Variants in CTDSPL2 observed in about 807,000 individuals in gnomAD.
CTDSPL2 encodes CTD small phosphatase like 2, also known as CTD small phosphatase-like protein 2.
In CTDSPL2, 5 loss-of-function variants were observed where a neutral mutation model predicts 60.0. That is an observed-to-expected ratio of 0.08 (90% CI 0.04 to 0.18). The LOEUF (loss-of-function observed/expected upper bound fraction) is 0.18, where lower values mean the gene tolerates loss of function less well. Ranked by LOEUF, CTDSPL2 falls within the 10% of genes least tolerant of loss-of-function variation. The pLI is 1.00. For synonymous variants in CTDSPL2, 186 were observed against 189.3 expected (o/e 0.98, Z 0.14); for missense variants, 370 against 548.8 (o/e 0.67, Z 3.26).
chr15:44,431,719 T>TG lies in CTDSPL2; in HGVS notation c.-25+3947_-25+3948insG, dbSNP rs1555428974. On this transcript the variant is annotated intron_variant, in intron 1 of 12. Transcript: ENST00000260327. Reference sequence around the variant, plus strand: ...TTGTTTGTTTGTTTGTTTGTTTGTTTTTTTTTTTTTTTTTTTGAGACAGAG... The same window carrying TG: ...TTGTTTGTTTGTTTGTTTGTTTGTTTGTTTTTTTTTTTTTTTTGAGACAGAG... 6.1e-3 allele frequency among the ~76,000 whole-genome samples: 834 copies of TG among 135,816 alleles called. 3 individuals are homozygous for TG. Among genetic ancestry groups the TG allele is most frequent in the East Asian group, 0.016 (78 of 4,902 alleles). The allele number at this position is 135,816 out of a possible 152,430, so 89.1% of individuals were successfully genotyped here. A position where few individuals can be genotyped will look rare whatever the true frequency, so the allele number is the denominator to read the frequency against.
intron 6 of CTDSPL2, among the ~76,000 whole-genome samples, 180 bp from the exon 7 acceptor site, chr15:44,496,847 A>C (rs2081309539): frequency 6.6e-6 from 1 of 152,124 alleles, no homozygotes; most frequent in African/African-American, 2.4e-5. Context: ...AAACAAACAA[A>C]AACAGCTGTT....
At chr15:44,507,244 C>T (rs974241243) in intron 8 of CTDSPL2, among the ~76,000 whole-genome samples, 11 of 151,816 alleles carry the variant, frequency 7.2e-5, no homozygotes, top group Non-Finnish European at 1.3e-4. Flanking sequence ...GCCACCATGC[C>T]GAGCTAATTT....
At chr15:44,486,253 T>A (rs997912606) in intron 3 of CTDSPL2, among the ~76,000 whole-genome samples, 2 of 152,210 alleles carry the variant, frequency 1.3e-5, no homozygotes, top group African/African-American at 4.8e-5. Flanking sequence ...ACAAAGAATT[T>A]TCTTCATTTT....
rs1595718153 is a variant in CTDSPL2 at position 44,459,341 on chromosome 15, C to T, written c.186+141C>T. Reference sequence around the variant, plus strand: ...AGGAGATCGAGACCATCCTGGCTAACACGGTGAAACCCCGTCTCTACTAAA... The same window carrying T: ...AGGAGATCGAGACCATCCTGGCTAATACGGTGAAACCCCGTCTCTACTAAA... On this transcript the variant is annotated intron_variant, in intron 2 of 12. Transcript: ENST00000260327. 4 of 491,070 alleles carry T rather than the reference C, an allele frequency of 8.1e-6. No individual in the cohort carries two copies. The East Asian group carries it at 1.6e-4, about 19-fold the overall frequency. The allele number at this position is 491,070 out of a possible 1,614,324, so 30.4% of individuals were successfully genotyped here. A position where few individuals can be genotyped will look rare whatever the true frequency, so the allele number is the denominator to read the frequency against.
At position 44,519,263 on chromosome 15, in the gene CTDSPL2, A is replaced by G. The variant is rs760907891; in HGVS notation, c.1207A>G (p.Ile403Val). Residue 403 changes from isoleucine to valine, a missense_variant, in exon 11 of 13, where the codon ATT becomes GTT. Physicochemically the swap from Ile to Val is conservative, Grantham distance 29. Around this residue, in one of 6 missense-constraint regions of CTDSPL2, gnomAD observed 46 missense variants for 126.0 expected, o/e 0.37. Coordinates refer to ENST00000260327, the MANE Select transcript of CTDSPL2 (RefSeq NM_016396.3). ...LGRDLSKTII[I>V]DNSPQAFAYQ... ...AAGAGATCTTTCAAAAACTATAATA[A>G]TTGACAACTCACCACAAGCCTTTGC... 1.4e-5 allele frequency: 22 copies of G among 1,559,340 alleles called. No homozygotes were observed. The South Asian group carries it at 2.8e-4, about 20-fold the overall frequency.
rs765261435 is a variant in CTDSPL2 at position 44,528,553 on chromosome 15, A to C, written c.*4379A>C. On this transcript the variant is annotated 3_prime_UTR_variant, in exon 13 of 13. Coordinates refer to ENST00000260327, the MANE Select transcript of CTDSPL2 (RefSeq NM_016396.3). ...GGACCAGATTTCACAGAGCTTATTC[A>C]AGATACATGGAGGAATAATAAAGAA... 6.6e-6 allele frequency: 1 copy of C among 151,792 alleles called. No homozygotes were observed. Among genetic ancestry groups the C allele is most frequent in the Non-Finnish European group, 1.5e-5 (1 of 67,980 alleles). The allele number at this position is 151,792 out of a possible 1,614,324, so 9.4% of individuals were successfully genotyped here.
chr15:44,459,179 T>G lies in CTDSPL2; in HGVS notation c.165T>G (p.Phe55Leu). ...GCTTGTTGTCTTCAATTAAAAAATT[T>G]ATTAAAGGAAGCACACCTAAGGTAA... The part of the protein sequence containing the change: ...ETGLLSSIKK[F>L]IKGSTPKEER... Residue 55 changes from phenylalanine to leucine, a missense_variant, in exon 2 of 13, where the codon TTT (phenylalanine) becomes TTG (leucine). By Grantham distance (22) the Phe-to-Leu change is conservative. Transcript: ENST00000260327. 1.9e-6 allele frequency: 3 copies of G among 1,606,022 alleles called. No individual in the cohort carries two copies. Among genetic ancestry groups the G allele is most frequent in the Non-Finnish European group, 2.5e-6 (3 of 1,176,920 alleles).
At chr15:44,517,937 G>A (rs989856210) in intron 10 of CTDSPL2, among the ~76,000 whole-genome samples, 1 of 152,090 alleles carries the variant, frequency 6.6e-6, no homozygotes, top group Non-Finnish European at 1.5e-5. Context: ...CCAGATGATC[G>A]TTTGACTGTG....
intron 5 of CTDSPL2, among the ~76,000 whole-genome samples, chr15:44,495,817 A>G (rs1450810042): frequency 6.6e-5 from 10 of 152,008 alleles, no homozygotes; most frequent in Non-Finnish European, 1.5e-5. Context: ...GTCTAATCCC[A>G]GCTGCTCACA....
chr15:44,510,360 A>G (rs1040082698), intron 8 of CTDSPL2, among the ~76,000 whole-genome samples: 14 of 152,328 alleles, frequency 9.2e-5, no homozygotes, highest in Admixed American at 6.5e-5. Context: ...CATAATGAAC[A>G]TGTTCATAAA....
chr15:44,471,731 A>G (rs887210971), intron 2 of CTDSPL2, among the ~76,000 whole-genome samples: 1 of 152,132 alleles, frequency 6.6e-6, no homozygotes, highest in Non-Finnish European at 1.5e-5. Flanking sequence ...ACTTTAGAAT[A>G]TTTTCATCAC....
At chr15:44,496,683 A>G (rs565900718) in intron 6 of CTDSPL2, among the ~76,000 whole-genome samples, 9 of 152,272 alleles carry the variant, frequency 5.9e-5, no homozygotes, top group African/African-American at 2.2e-4. Context: ...CAACGTGGCA[A>G]AACCTCGTCC....
chr15:44,496,973 T>C, intron 6 of CTDSPL2, 54 bp from the exon 7 acceptor site: 3 of 1,009,096 alleles, frequency 3.0e-6, no homozygotes, highest in Non-Finnish European at 4.6e-6. Flanking sequence ...CTTAGTAATG[T>C]TCTATATGTA....
chr15:44,468,312 A>G (rs2080737158), intron 2 of CTDSPL2, among the ~76,000 whole-genome samples: 1 of 152,030 alleles, frequency 6.6e-6, no homozygotes, highest in Non-Finnish European at 1.5e-5. Context: ...GATTTATTTG[A>G]CATCATATTT....
intron 1 of CTDSPL2, among the ~76,000 whole-genome samples, chr15:44,435,466 A>C (rs1405008455): frequency 6.6e-5 from 10 of 150,908 alleles, no homozygotes; most frequent in African/African-American, 2.4e-4. Flanking sequence ...GCTACTCGGG[A>C]GGCTGAGACA....
At chr15:44,448,018 G>C (rs987087760) in intron 1 of CTDSPL2, 1 of 231,410 alleles carries the variant, frequency 4.3e-6, no homozygotes, top group Non-Finnish European at 8.9e-6. Flanking sequence ...GTCCACCCCA[G>C]TTCCATCCGG....
rs1271298660 is a variant in CTDSPL2 at position 44,457,605 on chromosome 15, G to GT, written c.-24-1386_-24-1385insT. 4.6e-5 allele frequency among the ~76,000 whole-genome samples: 7 copies of GT among 152,018 alleles called. No individual in the cohort carries two copies. The East Asian group carries it at 1.2e-3, about 25-fold the overall frequency. On this transcript the variant is annotated intron_variant, in intron 1 of 12. Coordinates refer to ENST00000260327, the MANE Select transcript of CTDSPL2 (RefSeq NM_016396.3). Reference sequence around the variant, plus strand: ...GGTGTGGCACTTTTTTGGTTGGGGGGGGTGGTGCGGGGTGGGAGAGGGTAG... The same window carrying GT: ...GGTGTGGCACTTTTTTGGTTGGGGGGTGGTGGTGCGGGGTGGGAGAGGGTAG...
At chr15:44,502,126 TATA>T in intron 8 of CTDSPL2, 1 of 254,794 alleles carries the variant, frequency 3.9e-6, no homozygotes, top group Non-Finnish European at 7.9e-6. Flanking sequence ...AAGTACTGCA[TATA>T]CTCTTATTTT....
At chr15:44,452,751 G>A (rs1440144658) in intron 1 of CTDSPL2, among the ~76,000 whole-genome samples, 1 of 151,878 alleles carries the variant, frequency 6.6e-6, no homozygotes, top group Non-Finnish European at 1.5e-5. Flanking sequence ...GGTGTGAATT[G>A]GCATACCTTT....
Sources: allele counts gnomAD v4.1 joint callset (sites outside exome capture counted in the v4.1 genomes callset), GRCh38; gene constraint gnomAD v4.1.1; regional missense constraint gnomAD v4.1.1; transcripts MANE v1.5; gene names NCBI Gene and HGNC (gene_info 2026-07-23, HGNC 2026-07-21).